NDUFAF1: variants seen among roughly 807,000 people sequenced by gnomAD.
NDUFAF1 encodes the protein complex I intermediate-associated protein 30, mitochondrial.
In NDUFAF1, 18 loss-of-function variants were observed where a neutral mutation model predicts 28.7. The ratio of observed to expected loss-of-function variants is 0.63; its 90% CI spans 0.43 to 0.93. The LOEUF (loss-of-function observed/expected upper bound fraction) is 0.93. NDUFAF1 is among the 40% of genes least tolerant of loss of function. NDUFAF1 has a pLI of 0.00. For missense variants in NDUFAF1, 404 were observed against 398.3 expected (o/e 1.01, Z -0.12); for synonymous variants, 113 against 139.7 (o/e 0.81, Z 1.35).
intron 1 of NDUFAF1, among the ~76,000 whole-genome samples, chr15:41,399,067 A>G (rs1452321160): frequency 1.3e-5 from 2 of 152,076 alleles, no homozygotes; most frequent in Non-Finnish European, 2.9e-5. Flanking sequence ...GGAGTTGGAG[A>G]CCAGCCTGCC....
intron 1 of NDUFAF1, among the ~76,000 whole-genome samples, chr15:41,400,825 C>T (rs2050452713): frequency 6.6e-6 from 1 of 151,658 alleles, no homozygotes; most frequent in African/African-American, 2.4e-5. Flanking sequence ...GTGTGAGCCA[C>T]CATGCCCAGC....
chr15:41,395,514 C>T (rs1409079852), intron 2 of NDUFAF1, among the ~76,000 whole-genome samples: 1 of 150,776 alleles, frequency 6.6e-6, no homozygotes, highest in East Asian at 2.0e-4. Flanking sequence ...GTACTATAGG[C>T]GCCCAAAACC....
intron 4 of NDUFAF1, 146 bp from the exon 5 acceptor site, chr15:41,387,739 C>T (rs1227093791): frequency 2.0e-5 from 13 of 665,818 alleles, no homozygotes; most frequent in Middle Eastern, 6.4e-4. Flanking sequence ...TCTCCCATAG[C>T]ATACTGTAAG....
intron 3 of NDUFAF1, among the ~76,000 whole-genome samples, chr15:41,393,246 C>A (rs1254970268): frequency 6.7e-6 from 1 of 150,052 alleles, no homozygotes; most frequent in Non-Finnish European, 1.5e-5. Context: ...TGCCTCAGCC[C>A]CCCTAGTAGC....
intron 1 of NDUFAF1, 86 bp from the exon 2 acceptor site, chr15:41,397,226 A>G (rs2050402122): frequency 1.6e-6 from 1 of 622,292 alleles, no homozygotes; most frequent in African/African-American, 1.8e-5. Flanking sequence ...GGTATTTTGA[A>G]GTTTGTTAAC....
At chr15:41,397,785 C>T (rs1332057046) in intron 1 of NDUFAF1, among the ~76,000 whole-genome samples, 13 of 129,396 alleles carry the variant, frequency 1.0e-4, no homozygotes, top group African/African-American at 3.7e-4. Flanking sequence ...GGCGACAGAG[C>T]GAGACTCTGT....
At chr15:41,394,646 T>TG (rs2050359471) in intron 3 of NDUFAF1, among the ~76,000 whole-genome samples, 1 of 131,494 alleles carries the variant, frequency 7.6e-6, no homozygotes, top group Non-Finnish European at 1.6e-5. Flanking sequence ...TTTTTTTTTT[T>TG]GAGACAGAGT....
intron 2 of NDUFAF1, among the ~76,000 whole-genome samples, chr15:41,395,594 T>C (rs917745140): frequency 6.6e-6 from 1 of 150,924 alleles, no homozygotes; most frequent in African/African-American, 2.4e-5. Flanking sequence ...ATGGTCTCGA[T>C]CTCCTGACCT....
At position 41,397,161 on chromosome 15, in the gene NDUFAF1, A is replaced by G. The variant is rs779821312; in HGVS notation, c.-81-21T>C. The G allele has an allele frequency of 1.4e-5, 13 of 911,670 alleles. No individual in the cohort carries two copies. The Admixed American group carries it at 2.0e-4, about 14-fold the overall frequency. The allele number at this position is 911,670 out of a possible 1,614,324, so 56.5% of individuals were successfully genotyped here. On this transcript the variant is annotated intron_variant, in intron 1 of 4. Transcript: ENST00000260361. ...TCTACCTATAACAGAAGAGACATTG[A>G]AGAATTATCAGCATAGCAATGAATG...
At chr15:41,394,770 G>A (rs1027383828) in intron 3 of NDUFAF1, 89 bp downstream of exon 3, 78 of 1,386,938 alleles carry the variant, frequency 5.6e-5, no homozygotes, top group Non-Finnish European at 7.2e-5. Flanking sequence ...CACCCACCTC[G>A]GCCTCCCAAA....
At chr15:41,388,124 C>CT (rs2050274203) in intron 4 of NDUFAF1, among the ~76,000 whole-genome samples, 1 of 152,060 alleles carries the variant, frequency 6.6e-6, no homozygotes, top group African/African-American at 2.4e-5. Context: ...AACAAAAAGA[C>CT]TAGTAAGGAC....
At chr15:41,392,203 G>T (rs977827502) in intron 3 of NDUFAF1, among the ~76,000 whole-genome samples, 1 of 151,664 alleles carries the variant, frequency 6.6e-6, no homozygotes, top group Non-Finnish European at 1.5e-5. Context: ...CTCCTGAGGA[G>T]CTGGGACTAC....
chr15:41,402,254 A>C lies in NDUFAF1; in HGVS notation c.-192T>G, dbSNP rs948869374. The C allele has an allele frequency of 1.1e-5, 5 of 453,976 alleles. No individual in the cohort carries two copies. The highest frequency in any genetic ancestry group is 4.7e-5 in the Admixed American group (2 of 42,546). The allele number at this position is 453,976 out of a possible 1,614,324, so 28.1% of individuals were successfully genotyped here. ...CGAAGAAACTGACGTTCCAAGGCTA[A>C]TTTACCCGAGGTCACACAGGTAGTG... On this transcript the variant is annotated 5_prime_UTR_variant, in exon 1 of 5. Transcript: ENST00000260361.
At chr15:41,391,246 G>A (rs2050312354) in intron 3 of NDUFAF1, among the ~76,000 whole-genome samples, 1 of 151,708 alleles carries the variant, frequency 6.6e-6, no homozygotes, top group Admixed American at 6.6e-5. Flanking sequence ...CTTATTTTGT[G>A]CTAGGCACTA....
chr15:41,401,273 T>C (rs1299091764), intron 1 of NDUFAF1, among the ~76,000 whole-genome samples: 47 of 143,032 alleles, frequency 3.3e-4, no homozygotes, highest in Non-Finnish European at 6.5e-4. Context: ...CAACCTTTTT[T>C]TTTTTTTTTT....
At chr15:41,397,186 G>A (rs577113551) in intron 1 of NDUFAF1, 46 bp from the exon 2 acceptor site, 3 of 704,848 alleles carry the variant, frequency 4.3e-6, no homozygotes, top group East Asian at 2.7e-5. Flanking sequence ...AGCAATGAAT[G>A]CATCACAATT....
intron 3 of NDUFAF1, 89 bp downstream of exon 3, chr15:41,394,770 G>C: frequency 2.2e-6 from 3 of 1,386,942 alleles, no homozygotes; most frequent in Non-Finnish European, 3.1e-6. Flanking sequence ...CACCCACCTC[G>C]GCCTCCCAAA....
At chr15:41,393,121 GTTTTTTTTTT>G (rs763641971) in intron 3 of NDUFAF1, among the ~76,000 whole-genome samples, 1 of 123,962 alleles carries the variant, frequency 8.1e-6, no homozygotes, top group Admixed American at 8.1e-5. Context: ...TTCTTGTTGA[GTTTTTTTTTT>G]TTTTTTTTTT....
Position 41,396,570 on chromosome 15 carries a change from A to G in NDUFAF1, c.490T>C (p.Tyr164His), listed in dbSNP as rs377382433. Residue 164 changes from tyrosine (Y) to histidine (H), a missense_variant, in exon 2 of 5, where the codon TAT becomes CAT. Tyr to His is a moderately conservative substitution (Grantham distance 83, BLOSUM62 2). Transcript: ENST00000260361. ...GGCGCCTCAGAGCTCAGAGTTCCAT[A>G]TAGCAGTGCACTTTGGTTATTCTTG... The part of the protein sequence containing the change: ...MGKNNQSALL[Y>H]GTLSSEAPQD... 24 of 1,614,108 alleles carry G rather than the reference A, an allele frequency of 1.5e-5. No homozygotes were observed. Among genetic ancestry groups the G allele is most frequent in the Non-Finnish European group, 2.0e-5 (24 of 1,180,020 alleles).
Sources: gnomAD v4.1 joint callset for allele counts (sites outside exome capture counted in the v4.1 genomes callset) on GRCh38, gnomAD v4.1.1 for gene constraint, MANE v1.5 for transcripts, NCBI Gene and HGNC (gene_info 2026-07-23, HGNC 2026-07-21) for gene names.